Variants in TEX2 observed in about 807,000 individuals in gnomAD.
The protein encoded by TEX2 is testis expressed 2.
TEX2 carries 53 observed loss-of-function variants against 106.9 expected under a neutral mutation model. The observed-to-expected ratio is 0.50, with a 90% confidence interval of 0.40 to 0.62. The LOEUF is 0.62. Among genes scored for constraint, TEX2 ranks in the 20% least tolerant of loss-of-function variants. TEX2 has a pLI of 0.00. For missense variants in TEX2, 1,207 were observed against 1,379.0 expected (o/e 0.88, Z 1.98); for synonymous variants, 523 against 534.8 (o/e 0.98, Z 0.30).
chr17:64,194,802 CT>C, intron 3 of TEX2, 92 bp downstream of exon 3: 1 of 1,271,166 alleles, frequency 7.9e-7, no homozygotes, highest in Non-Finnish European at 1.1e-6. Flanking sequence ...GACCACAAAC[CT>C]TTTTAGGGTA....
Position 64,225,634 on chromosome 17 carries a change from T to C in TEX2, c.-25-11392A>G, listed in dbSNP as rs1288944754. The stretch of plus-strand genomic sequence containing the variant: ...ATGCCTGGAAGCCAAGAGAGTATGG[T>C]GCCGAAAGCCCAAGATATGAGAATA... On this transcript the variant is annotated intron_variant, in intron 1 of 11. Coordinates refer to ENST00000584379, the MANE Select transcript of TEX2 (RefSeq NM_001288732.2). Among the ~76,000 whole-genome samples, 2 of 152,208 alleles carry C rather than the reference T, an allele frequency of 1.3e-5. 1 individual carries two copies. The highest frequency in any genetic ancestry group is 2.9e-5 in the Non-Finnish European group (2 of 68,042).
intron 2 of TEX2, among the ~76,000 whole-genome samples, chr17:64,207,759 G>A (rs1201844942): frequency 1.0e-4 from 15 of 148,642 alleles, no homozygotes; most frequent in Admixed American, 4.0e-4. Context: ...TTTTTGAGAC[G>A]GAGTCTCGCT....
intron 2 of TEX2, among the ~76,000 whole-genome samples, chr17:64,200,040 A>G (rs2032607312): frequency 1.3e-5 from 2 of 152,262 alleles, no homozygotes; most frequent in Admixed American, 1.3e-4. Context: ...AATGAAATCT[A>G]TTGTAGAAAT....
In TEX2 at chr17:64,148,718, G is replaced by A. The variant is rs2030187757; in HGVS notation, c.*251C>T. On this transcript the variant is annotated 3_prime_UTR_variant, in exon 12 of 12. Coordinates refer to ENST00000584379, the MANE Select transcript of TEX2 (RefSeq NM_001288732.2). ...ATGGTGTGGGTCACGTATAACTTCT[G>A]GATCCACCATGATTCTTCCATGGTC... 2.2e-6 allele frequency: 1 copy of A among 460,856 alleles called. No homozygotes were observed. Among genetic ancestry groups the A allele is most frequent in the Non-Finnish European group, 3.9e-6 (1 of 258,902 alleles). The allele number at this position is 460,856 out of a possible 1,614,324, so 28.5% of individuals were successfully genotyped here.
At chr17:64,212,023 C>T (rs1439748381) in intron 2 of TEX2, among the ~76,000 whole-genome samples, 6 of 152,160 alleles carry the variant, frequency 3.9e-5, no homozygotes, top group Admixed American at 2.0e-4. Flanking sequence ...CTTCCTGCTT[C>T]CCAATGAATT....
chr17:64,193,493 A>C, intron 4 of TEX2, 66 bp downstream of exon 4: 197 of 1,060,228 alleles, frequency 1.9e-4, no homozygotes, highest in South Asian at 3.1e-4. Flanking sequence ...CCTACCTGGC[A>C]TTCTTTCTCT....
At chr17:64,171,407 C>T (rs563680435) in intron 6 of TEX2, among the ~76,000 whole-genome samples, 6 of 152,050 alleles carry the variant, frequency 3.9e-5, no homozygotes, top group Admixed American at 6.5e-5. Flanking sequence ...CTGGCTCTCA[C>T]GGGGTTTATA....
At chr17:64,186,629 C>A (rs1439380923) in intron 5 of TEX2, among the ~76,000 whole-genome samples, 1 of 152,058 alleles carries the variant, frequency 6.6e-6, no homozygotes. Flanking sequence ...CCAGACTGGG[C>A]AACATGGTGA....
chr17:64,169,649 T>C (rs1313638079), intron 7 of TEX2, among the ~76,000 whole-genome samples: 4 of 152,360 alleles, frequency 2.6e-5, no homozygotes, highest in East Asian at 1.9e-4. Context: ...CTGCTAACTA[T>C]AGTGCTAGAA....
Position 64,160,949 on chromosome 17 carries a change from A to G in TEX2, c.2672-16T>C. On this transcript the variant is annotated splice_polypyrimidine_tract_variant and intron_variant, in intron 7 of 11. Transcript: ENST00000584379. ...ATCCAGAGTCCTGGAGAAATGGTGA[A>G]AAAACAGAAGGTTTTTTTCCCTCAA... 1 of 1,602,682 alleles carries G rather than the reference A, an allele frequency of 6.2e-7. No homozygotes were observed. Among genetic ancestry groups the G allele is most frequent in the Non-Finnish European group, 8.5e-7 (1 of 1,176,998 alleles).
intron 7 of TEX2, among the ~76,000 whole-genome samples, chr17:64,167,199 T>C (rs2031177214): frequency 6.6e-6 from 1 of 152,288 alleles, no homozygotes; most frequent in Non-Finnish European, 1.5e-5. Context: ...ACATGGCCAT[T>C]GTGTGCGATT....
At chr17:64,159,723 C>T (rs2030798111) in intron 8 of TEX2, among the ~76,000 whole-genome samples, 1 of 151,986 alleles carries the variant, frequency 6.6e-6, no homozygotes, top group African/African-American at 2.4e-5. Flanking sequence ...CACAGATTGC[C>T]GAATCCAAAC....
chr17:64,257,913 G>A (rs1020268385), intron 1 of TEX2, among the ~76,000 whole-genome samples: 24 of 148,768 alleles, frequency 1.6e-4, no homozygotes, highest in African/African-American at 4.9e-4. Flanking sequence ...TGTTATAACC[G>A]TTCTTTTTTT....
At position 64,155,066 on chromosome 17, in the gene TEX2, G is replaced by A; in HGVS notation, c.2805-99C>T. 4 of 1,348,066 alleles carry A rather than the reference G, an allele frequency of 3.0e-6. No individual in the cohort carries two copies. In the Admixed American group the frequency reaches 1.3e-4, roughly 42 times the overall value. 83.5% of individuals were successfully genotyped at this position (1,348,066 alleles called of 1,614,324 possible). ...ATGCACACACACTCAACCACAACAG[G>A]GTCGGGATGTAACTGTTAACTACAT... On this transcript the variant is annotated intron_variant, in intron 8 of 11. Transcript: ENST00000584379.
In TEX2 at chr17:64,154,960, G is replaced by A; in HGVS notation, c.2812C>T (p.Pro938Ser). The A allele has an allele frequency of 6.3e-7, 1 of 1,587,166 alleles. No individual in the cohort carries two copies. Residue 938 changes from proline to serine, a missense_variant, in exon 9 of 12, where the codon CCC (proline) becomes TCC (serine). Coordinates refer to ENST00000584379, the MANE Select transcript of TEX2 (RefSeq NM_001288732.2). Reference protein sequence around the residue: ...VGEIGKEGCRPRAFCLADSDE... With the variant: ...VGEIGKEGCRSRAFCLADSDE... ...CTGTCCGCCAGACAGAATGCCCGGG[G>A]CCTGCAACTGGACAGAGAGAGAGTC...
intron 1 of TEX2, among the ~76,000 whole-genome samples, chr17:64,218,405 CTTTTTTTTTTT>C (rs10526886): frequency 0.63 from 75,982 of 120,910 alleles, 23,742 homozygotes; most frequent in East Asian, 0.85. Flanking sequence ...GACACTTTCA[CTTTTTTTTTTT>C]TTTTTTTTTT....
In TEX2 at chr17:64,193,756, G is replaced by T. The variant is rs536262813; in HGVS notation, c.1979C>A (p.Pro660Gln). Residue 660 changes from proline to glutamine, a missense_variant, in exon 4 of 12, where the codon CCG becomes CAG. By Grantham distance (76) the Pro-to-Gln change is moderately conservative. Around this residue, in one of 3 missense-constraint regions of TEX2, gnomAD observed 1,067 missense variants for 1,193.6 expected, o/e 0.89. Coordinates refer to ENST00000584379, the MANE Select transcript of TEX2 (RefSeq NM_001288732.2). ...AGGGTCCTCACTTCCCTCAGCTGGC[G>T]GCTTCTCTTCTGAAGTCTCCTTATC... ...QTDKETSEEK[P>Q]PAEGSEDPKK... is the part of the protein sequence containing the mutation. The T allele has an allele frequency of 1.2e-5, 20 of 1,613,582 alleles. No homozygotes were observed. The African/African-American group carries it at 2.7e-4, about 22-fold the overall frequency.
intron 2 of TEX2, 26 bp downstream of exon 2, chr17:64,212,547 CT>C: frequency 6.3e-7 from 1 of 1,583,672 alleles, no homozygotes; most frequent in Non-Finnish European, 8.6e-7. Context: ...AGTGTGTGTA[CT>C]AGCCAGCTCC....
At position 64,214,221 on chromosome 17, in the gene TEX2, C is replaced by G; in HGVS notation, c.-4G>C. 1.2e-6 allele frequency: 2 copies of G among 1,609,092 alleles called. No individual in the cohort carries two copies. The highest frequency in any genetic ancestry group is 1.7e-6 in the Non-Finnish European group (2 of 1,176,158). ...GGCGACCATACAGACTTGTCATTGC[C>G]GGCTTCACAAGGGCTCAGGCTCTGT... is the stretch of plus-strand genomic sequence containing the variant. On this transcript the variant is annotated 5_prime_UTR_variant, in exon 2 of 12. Transcript: ENST00000584379.
Sources: allele counts gnomAD v4.1 joint callset (sites outside exome capture counted in the v4.1 genomes callset), GRCh38; gene constraint gnomAD v4.1.1; regional missense constraint gnomAD v4.1.1; transcripts MANE v1.5; gene names NCBI Gene and HGNC (gene_info 2026-07-23, HGNC 2026-07-21).